Variants in KCNE3 observed in about 807,000 individuals in gnomAD.
KCNE3 encodes potassium voltage-gated channel subfamily E regulatory subunit 3.
A neutral mutation model predicts 4.3 loss-of-function variants in KCNE3; 2 were observed. The observed-to-expected ratio is 0.47, with a 90% CI of 0.19 to 1.48. The LOEUF is 1.48. KCNE3 is among the 40% of genes most tolerant of loss of function. The probability of loss-of-function intolerance (pLI) is 0.25; values close to 1 mark genes in which losing one functional copy is unlikely to be tolerated. For synonymous variants in KCNE3, 47 were observed against 52.0 expected (o/e 0.90, Z 0.41); for missense variants, 128 against 136.8 (o/e 0.94, Z 0.32).
Position 74,456,680 on chromosome 11 carries a change from G to A in KCNE3, c.*572C>T. On this transcript the variant is annotated 3_prime_UTR_variant, in exon 3 of 3. Transcript: ENST00000310128. ...TCAGGCCTGGATCCACTCCTGTGTA[G>A]CACAGAGTTTTGAAAAGCACTAGGC... The A allele has an allele frequency of 6.3e-6, 1 of 159,234 alleles. No homozygotes were observed. The highest frequency in any genetic ancestry group is 1.4e-5 in the Non-Finnish European group (1 of 72,024). 9.9% of individuals were successfully genotyped at this position (159,234 alleles called of 1,614,324 possible). A position where few individuals can be genotyped will look rare whatever the true frequency, so the allele number is the denominator to read the frequency against.
rs1864073389 is a variant in KCNE3 at position 74,467,093 on chromosome 11, G to A, written c.-190+305C>T. Among the ~76,000 whole-genome samples the A allele has an allele frequency of 6.6e-6, 1 of 152,198 alleles. No individual in the cohort carries two copies. The highest frequency in any genetic ancestry group is 2.4e-5 in the African/African-American group (1 of 41,456). Reference sequence around the variant, plus strand: ...TCGCTTGCACGTCTGTGGGTGTGGAGGAACTTTTCTTGTGGCCGTCTTGAG... The same window carrying A: ...TCGCTTGCACGTCTGTGGGTGTGGAAGAACTTTTCTTGTGGCCGTCTTGAG... On this transcript the variant is annotated intron_variant, in intron 1 of 2. Coordinates refer to ENST00000310128, the MANE Select transcript of KCNE3 (RefSeq NM_005472.5). The surrounding 1 kb of genome is among the most constrained non-coding windows in gnomAD (Gnocchi z 4.4).
In KCNE3 at chr11:74,457,323, G is replaced by A. The variant is rs542842233; in HGVS notation, c.241C>T (p.Arg81Cys). Residue 81 changes from arginine to cysteine, a missense_variant, in exon 3 of 3, where the codon CGC becomes TGC. Transcript: ENST00000310128. Reference protein sequence around the residue: ...TVGSLILGYTRSRKVDKRSDP... With the variant: ...TVGSLILGYTCSRKVDKRSDP... ...CTACGCTTGTCCACTTTGCGGGAGC[G>A]GGTGTATCCCAGGATGAGGCTGCCC... 2.2e-5 allele frequency: 36 copies of A among 1,614,186 alleles called. No individual in the cohort carries two copies. Among genetic ancestry groups the A allele is most frequent in the East Asian group, 1.3e-4 (6 of 44,884 alleles).
At chr11:74,462,427 C>T (rs1863975060) in intron 1 of KCNE3, 1 of 152,222 alleles carries the variant, frequency 6.6e-6, no homozygotes, top group South Asian at 2.1e-4. Flanking sequence ...GATGGTGCAG[C>T]CTAAAACATT....
chr11:74,458,726 T>C (rs774474106), intron 2 of KCNE3, among the ~76,000 whole-genome samples: 10 of 151,526 alleles, frequency 6.6e-5, no homozygotes. Context: ...CCCAGCTACT[T>C]GGGAGGCTGA....
chr11:74,465,421 A>T (rs927941490), intron 1 of KCNE3, among the ~76,000 whole-genome samples: 3 of 152,190 alleles, frequency 2.0e-5, no homozygotes, highest in Admixed American at 6.5e-5. Flanking sequence ...AGGTGGGGTG[A>T]GTCAGAGGAG....
chr11:74,460,141 T>C (rs1748212665), intron 2 of KCNE3, among the ~76,000 whole-genome samples: 1 of 152,200 alleles, frequency 6.6e-6, no homozygotes. Context: ...ATGCAAGGCC[T>C]TTGGGGCCTT....
chr11:74,457,449 G>GC lies in KCNE3; in HGVS notation c.114dup (p.Pro39AlafsTer6), dbSNP rs763497447. 1 of 1,613,952 alleles carries GC rather than the reference G, an allele frequency of 6.2e-7. No individual in the cohort carries two copies. Among genetic ancestry groups the GC allele is most frequent in the Non-Finnish European group, 8.5e-7 (1 of 1,179,836 alleles). Reference sequence around the variant, plus strand: ...CGCCTCTCTTCAGTCTGGTTGTCTGGCCCCAGCCCTGGCCCTGGCCGGCAG... The same window carrying GC: ...CGCCTCTCTTCAGTCTGGTTGTCTGGCCCCCAGCCCTGGCCCTGGCCGGCAG... On this transcript the variant is annotated frameshift_variant, in exon 3 of 3. Transcript: ENST00000310128. LOFTEE classifies it high-confidence loss of function.
At position 74,456,692 on chromosome 11, in the gene KCNE3, G is replaced by C. The variant is rs1329598462; in HGVS notation, c.*560C>G. Reference sequence around the variant, plus strand: ...CCACTCCTGTGTAGCACAGAGTTTTGAAAAGCACTAGGCAAGGAGACCAGA... The same window carrying C: ...CCACTCCTGTGTAGCACAGAGTTTTCAAAAGCACTAGGCAAGGAGACCAGA... On this transcript the variant is annotated 3_prime_UTR_variant, in exon 3 of 3. Transcript: ENST00000310128. The C allele has an allele frequency of 6.3e-6, 1 of 159,600 alleles. No homozygotes were observed. The highest frequency in any genetic ancestry group is 1.4e-5 in the Non-Finnish European group (1 of 72,274). The allele number at this position is 159,600 out of a possible 1,614,324, so 9.9% of individuals were successfully genotyped here.
chr11:74,463,435 GCTCTGGGGCTGC>G (rs1863997975), intron 1 of KCNE3, among the ~76,000 whole-genome samples: 1 of 152,120 alleles, frequency 6.6e-6, no homozygotes, highest in Admixed American at 6.5e-5. Context: ...TCTCTATGGG[GCTCTGGGGCTGC>G]CTCTGGGGCT....
chr11:74,460,237 C>T (rs1286291506), intron 2 of KCNE3, among the ~76,000 whole-genome samples: 6 of 152,214 alleles, frequency 3.9e-5, no homozygotes, highest in African/African-American at 4.8e-5. Context: ...AGGAGATACA[C>T]GTTCTCATCT....
chr11:74,467,142 C>T lies in KCNE3; in HGVS notation c.-190+256G>A, dbSNP rs1864074511. Reference sequence around the variant, plus strand: ...AGGGCTGGGAATAACGGCGCAAGTCCCCACGGTTTCCAGACGGGGCGCGCA... The same window carrying T: ...AGGGCTGGGAATAACGGCGCAAGTCTCCACGGTTTCCAGACGGGGCGCGCA... On this transcript the variant is annotated intron_variant, in intron 1 of 2. Coordinates refer to ENST00000310128, the MANE Select transcript of KCNE3 (RefSeq NM_005472.5). The surrounding 1 kb of genome is among the most constrained non-coding windows in gnomAD (Gnocchi z 4.4). Among the ~76,000 whole-genome samples, 1 of 152,136 alleles carries T rather than the reference C, an allele frequency of 6.6e-6. No homozygotes were observed. Among genetic ancestry groups the T allele is most frequent in the Admixed American group, 6.5e-5 (1 of 15,270 alleles).
At chr11:74,457,660 C>T in intron 2 of KCNE3, 57 bp from the exon 3 acceptor site, 1 of 1,103,156 alleles carries the variant, frequency 9.1e-7, no homozygotes, top group South Asian at 1.3e-5. Flanking sequence ...CTCAAATGAC[C>T]TCCTCCCTTC....
At chr11:74,459,588 T>C (rs1863906326) in intron 2 of KCNE3, among the ~76,000 whole-genome samples, 1 of 152,118 alleles carries the variant, frequency 6.6e-6, no homozygotes, top group Non-Finnish European at 1.5e-5. Context: ...TCCTTGTCTC[T>C]GAAAAACCAT....
intron 2 of KCNE3, 49 bp from the exon 3 acceptor site, chr11:74,457,652 C>G (rs1382198163): frequency 6.1e-5 from 71 of 1,165,332 alleles, no homozygotes. Flanking sequence ...ACCTGCAGCT[C>G]AAATGACCTC....
rs60016728 is a variant in KCNE3 at position 74,456,329 on chromosome 11, C to CA, written c.*922dup. The CA allele has an allele frequency of 4.5e-4, 54 of 120,678 alleles. No individual in the cohort carries two copies. The highest frequency in any genetic ancestry group is 1.4e-3 in the East Asian group (6 of 4,158). The allele number at this position is 120,678 out of a possible 1,614,324, so 7.5% of individuals were successfully genotyped here. A position where few individuals can be genotyped will look rare whatever the true frequency, so the allele number is the denominator to read the frequency against. ...CCTGGGTGACATAGGGAGACTGTCTCAAAAAAAAAAAAAGAAAAGAAAAGA... is the reference window on the plus strand; with the variant it reads ...CCTGGGTGACATAGGGAGACTGTCTCAAAAAAAAAAAAAAGAAAAGAAAAGA... On this transcript the variant is annotated 3_prime_UTR_variant, in exon 3 of 3. Transcript: ENST00000310128.
At position 74,467,147 on chromosome 11, in the gene KCNE3, G is replaced by A. The variant is rs1864074564; in HGVS notation, c.-190+251C>T. Among the ~76,000 whole-genome samples the A allele has an allele frequency of 6.6e-6, 1 of 152,186 alleles. No homozygotes were observed. The highest frequency in any genetic ancestry group is 2.4e-5 in the African/African-American group (1 of 41,450). ...TGGGAATAACGGCGCAAGTCCCCACGGTTTCCAGACGGGGCGCGCAGAGCC... is the reference window on the plus strand; with the variant it reads ...TGGGAATAACGGCGCAAGTCCCCACAGTTTCCAGACGGGGCGCGCAGAGCC... On this transcript the variant is annotated intron_variant, in intron 1 of 2. Transcript: ENST00000310128. This position sits in a 1 kb window ranked among gnomAD's most constrained non-coding sequence, Gnocchi z 4.4.
chr11:74,462,104 C>G lies in KCNE3; in HGVS notation c.-189-1G>C, dbSNP rs1591228739. The G allele has an allele frequency of 1.3e-5, 2 of 152,780 alleles. No homozygotes were observed. Among genetic ancestry groups the G allele is most frequent in the Admixed American group, 1.3e-4 (2 of 15,300 alleles). The allele number at this position is 152,780 out of a possible 1,614,324, so 9.5% of individuals were successfully genotyped here. On this transcript the variant is annotated splice_acceptor_variant, in intron 1 of 2. Transcript: ENST00000310128. LOFTEE classifies it low-confidence loss of function (5UTR_SPLICE). ...ACTTCGGAGCTGGGAAAGCCCAGAG[C>G]TAGAAAGCAGGAGAGAAGGCAGAAA...
intron 1 of KCNE3, among the ~76,000 whole-genome samples, chr11:74,465,930 C>T (rs1248209541): frequency 6.6e-6 from 1 of 152,154 alleles, no homozygotes; most frequent in East Asian, 1.9e-4. Context: ...TCTCCTTTCC[C>T]ACTCCAGGTC....
chr11:74,456,795 G>A lies in KCNE3; in HGVS notation c.*457C>T, dbSNP rs758082514. 6 of 221,590 alleles carry A rather than the reference G, an allele frequency of 2.7e-5. No individual in the cohort carries two copies. The highest frequency in any genetic ancestry group is 1.0e-4 in the Admixed American group (2 of 19,098). 13.7% of individuals were successfully genotyped at this position (221,590 alleles called of 1,614,324 possible). A position where few individuals can be genotyped will look rare whatever the true frequency, so the allele number is the denominator to read the frequency against. On this transcript the variant is annotated 3_prime_UTR_variant, in exon 3 of 3. Coordinates refer to ENST00000310128, the MANE Select transcript of KCNE3 (RefSeq NM_005472.5). ...CTTGCCCTGCTTTCTTCACGGGAGC[G>A]GGGGCAGGGTGGTGGTGGTAAATCA...
Sources: gnomAD v4.1 joint callset for allele counts (sites outside exome capture counted in the v4.1 genomes callset) on GRCh38, gnomAD v4.1.1 for gene constraint, Gnocchi (gnomAD v3.1) non-coding constraint, MANE v1.5 for transcripts, NCBI Gene and HGNC (gene_info 2026-07-23, HGNC 2026-07-21) for gene names.